ARRDC5: variants seen among roughly 807,000 people sequenced by gnomAD.
The protein encoded by ARRDC5 is arrestin domain containing 5, also known as arrestin domain-containing protein 5.
ARRDC5 carries 12 observed loss-of-function variants against 13.3 expected under a neutral mutation model. The ratio of observed to expected loss-of-function variants is 0.90; its 90% CI spans 0.58 to 1.46. The LOEUF (loss-of-function observed/expected upper bound fraction) is 1.46. ARRDC5 is among the 40% of genes most tolerant of loss of function. The probability of loss-of-function intolerance (pLI) is 0.00; values close to 1 mark genes in which losing one functional copy is unlikely to be tolerated. For synonymous variants in ARRDC5, 181 were observed against 173.4 expected, an observed-to-expected ratio of 1.04 and a Z score of -0.34; for missense variants, 406 against 418.7, an observed-to-expected ratio of 0.97 and a Z score of 0.26.
chr19:4,905,121 T>C (rs2032039187), upstream of ARRDC5, among the ~76,000 whole-genome samples: 1 of 142,146 alleles, frequency 7.0e-6, no homozygotes, highest in South Asian at 2.4e-4. Context: ...TTTTTTTTTT[T>C]TTTTTTTTTT....
chr19:4,909,623 C>CA, the ARRDC5 span: 1 of 613,386 alleles, frequency 1.6e-6, no homozygotes, highest in Non-Finnish European at 2.9e-6. Context: ...GCCACGCGCG[C>CA]AGGCAGACAA....
chr19:4,898,422 C>G (rs542495817), intron 1 of ARRDC5, among the ~76,000 whole-genome samples: 1 of 152,068 alleles, frequency 6.6e-6, no homozygotes, highest in Admixed American at 6.6e-5. Context: ...AGTGCAGTGG[C>G]GTGATCCTGG....
chr19:4,910,865 C>A, the ARRDC5 span: 1 of 1,592,726 alleles, frequency 6.3e-7, no homozygotes, highest in South Asian at 1.1e-5. Context: ...TTTTGCTGTC[C>A]CTCCCCTCAG....
chr19:4,897,182 C>T (rs1007991942), intron 1 of ARRDC5, among the ~76,000 whole-genome samples: 8 of 152,116 alleles, frequency 5.3e-5, no homozygotes, highest in African/African-American at 1.7e-4. Context: ...GTCTTGAACT[C>T]CTGGCCTCCG....
intron 1 of ARRDC5, among the ~76,000 whole-genome samples, chr19:4,900,779 G>A (rs2031887353): frequency 6.6e-6 from 1 of 152,156 alleles, no homozygotes; most frequent in African/African-American, 2.4e-5. Flanking sequence ...CAGCACTTTG[G>A]GAGGCCAAGG....
At chr19:4,911,512 G>C in the ARRDC5 span, among the ~76,000 whole-genome samples, 1 of 152,104 alleles carries the variant, frequency 6.6e-6, no homozygotes, top group African/African-American at 2.4e-5. Context: ...ATTTGGATTA[G>C]CTTATTCAGA....
intron 1 of ARRDC5, among the ~76,000 whole-genome samples, chr19:4,899,290 C>G (rs1156938889): frequency 6.9e-6 from 1 of 144,342 alleles, no homozygotes; most frequent in South Asian, 2.2e-4. Context: ...CCAGCCTGGG[C>G]GACAGAGTGA....
the ARRDC5 span, chr19:4,910,356 GA>G: frequency 1.3e-5 from 2 of 151,262 alleles, no homozygotes; most frequent in Non-Finnish European, 3.0e-5. Flanking sequence ...GGCCGGCAAG[GA>G]GGGGGGGCGT....
upstream of ARRDC5, among the ~76,000 whole-genome samples, chr19:4,906,474 C>T (rs573811631): frequency 2.0e-5 from 3 of 152,284 alleles, no homozygotes; most frequent in African/African-American, 4.8e-5. Context: ...GCATGCCCAG[C>T]CAATCACAGT....
chr19:4,905,859 C>T (rs2032055462), upstream of ARRDC5, among the ~76,000 whole-genome samples: 2 of 152,148 alleles, frequency 1.3e-5, no homozygotes, highest in African/African-American at 4.8e-5. Flanking sequence ...AATTCTTCTT[C>T]CAATGTGGCC....
chr19:4,904,609 G>A (rs1381834771), upstream of ARRDC5, among the ~76,000 whole-genome samples: 2 of 152,250 alleles, frequency 1.3e-5, no homozygotes, highest in Admixed American at 6.5e-5. Context: ...GAGCTACCAC[G>A]CCTGGCTGAC....
At chr19:4,902,955 A>T, upstream of ARRDC5, 1 of 1,393,994 alleles carries the variant, frequency 7.2e-7, no homozygotes, top group Non-Finnish European at 9.9e-7. Flanking sequence ...TGGGGACCCC[A>T]GTGGCCAGGA....
At chr19:4,913,880 C>T in the ARRDC5 span, among the ~76,000 whole-genome samples, 3 of 139,376 alleles carry the variant, frequency 2.2e-5, no homozygotes, top group African/African-American at 5.4e-5. Context: ...TGCGTGATCT[C>T]GGCTTACCTC....
upstream of ARRDC5, among the ~76,000 whole-genome samples, chr19:4,904,091 C>G (rs1354991525): frequency 1.3e-5 from 2 of 152,208 alleles, no homozygotes; most frequent in African/African-American, 2.4e-5. Context: ...ATTCTCCTGC[C>G]TCAGCCTCCC....
chr19:4,906,609 C>G (rs958710970), upstream of ARRDC5, among the ~76,000 whole-genome samples: 1 of 152,016 alleles, frequency 6.6e-6, no homozygotes, highest in Non-Finnish European at 1.5e-5. Flanking sequence ...AAAAATTAGC[C>G]GGACATGGTG....
the ARRDC5 span, chr19:4,911,090 T>C: frequency 6.9e-7 from 1 of 1,442,106 alleles, no homozygotes; most frequent in Non-Finnish European, 9.2e-7. Context: ...GCCTCGCGCC[T>C]CTGCAGCCAC....
upstream of ARRDC5, among the ~76,000 whole-genome samples, chr19:4,905,052 C>T (rs1162238202): frequency 6.6e-6 from 1 of 151,848 alleles, no homozygotes; most frequent in Non-Finnish European, 1.5e-5. Flanking sequence ...ACCCCTGACC[C>T]ACGGGCCACA....
At chr19:4,915,752 T>C in the ARRDC5 span, among the ~76,000 whole-genome samples, 1 of 151,776 alleles carries the variant, frequency 6.6e-6, no homozygotes, top group Admixed American at 6.6e-5. Flanking sequence ...ACAAAAGAGG[T>C]GCAGGCCAGA....
chr19:4,909,774 G>A, the ARRDC5 span: 3 of 466,526 alleles, frequency 6.4e-6, no homozygotes, highest in Non-Finnish European at 1.1e-5. Context: ...CTCTGTCCCG[G>A]GATCCAGGGC....
Sources: allele counts gnomAD v4.1 joint callset (sites outside exome capture counted in the v4.1 genomes callset), GRCh38; gene constraint gnomAD v4.1.1; transcripts MANE v1.5; gene names NCBI Gene and HGNC (gene_info 2026-07-23, HGNC 2026-07-21).